The following SORCS2 variants were observed in gnomAD, a reference collection of about 807,000 sequenced individuals.
The protein encoded by SORCS2 is sortilin related VPS10 domain containing receptor 2, also known as VPS10 domain-containing receptor SorCS2.
A neutral mutation model predicts 141.6 loss-of-function variants in SORCS2; 100 were observed. The ratio of observed to expected loss-of-function variants is 0.71; its 90% CI spans 0.60 to 0.83. The LOEUF (loss-of-function observed/expected upper bound fraction) is 0.83, where lower values mean the gene tolerates loss of function less well. Ranked by LOEUF, SORCS2 falls within the 40% of genes least tolerant of loss-of-function variation. SORCS2 has a pLI of 0.00. For missense variants in SORCS2, 1,646 were observed against 1,560.2 expected, an observed-to-expected ratio of 1.05 and a Z score of -0.93; for synonymous variants, 789 against 676.9, an observed-to-expected ratio of 1.17 and a Z score of -2.57.
intron 2 of SORCS2, among the ~76,000 whole-genome samples, chr4:7,481,888 C>T (rs966492189): frequency 3.2e-4 from 48 of 151,532 alleles, no homozygotes; most frequent in African/African-American, 7.5e-4. Flanking sequence ...ATCCACCTGA[C>T]GCCGTTCAGA....
intron 10 of SORCS2, among the ~76,000 whole-genome samples, chr4:7,683,744 C>T (rs1480951788): frequency 2.0e-5 from 3 of 152,236 alleles, no homozygotes; most frequent in African/African-American, 7.2e-5. Flanking sequence ...AGAGTTCAGA[C>T]ATCCTGAGCC....
intron 2 of SORCS2, chr4:7,430,391 A>G (rs542684679): frequency 6.6e-6 from 1 of 151,884 alleles, no homozygotes; most frequent in East Asian, 1.9e-4. Flanking sequence ...AACAAACAAA[A>G]CAAAAACAAC....
intron 2 of SORCS2, among the ~76,000 whole-genome samples, chr4:7,418,560 G>A (rs1410166343): frequency 2.6e-5 from 4 of 152,190 alleles, no homozygotes; most frequent in East Asian, 1.9e-4. Flanking sequence ...TCCACTCCAC[G>A]AGGACCCTTA....
intron 1 of SORCS2, among the ~76,000 whole-genome samples, chr4:7,299,232 C>T (rs906225144): frequency 2.6e-5 from 4 of 152,234 alleles, no homozygotes; most frequent in Admixed American, 6.5e-5. Context: ...AGGTGGGGGC[C>T]GAGGCTGTGA....
At chr4:7,382,159 G>C (rs77095913) in intron 1 of SORCS2, among the ~76,000 whole-genome samples, 1 of 152,322 alleles carries the variant, frequency 6.6e-6, no homozygotes, top group Non-Finnish European at 1.5e-5. Flanking sequence ...TGTGGGGTGA[G>C]CCAGCCCTCA....
chr4:7,224,755 G>A (rs1172501584), intron 1 of SORCS2, among the ~76,000 whole-genome samples: 4 of 152,164 alleles, frequency 2.6e-5, no homozygotes, highest in Admixed American at 1.3e-4. Flanking sequence ...GCACTGGGTG[G>A]GGATCAGGGG....
intron 5 of SORCS2, among the ~76,000 whole-genome samples, chr4:7,656,546 G>A (rs1043491060): frequency 1.6e-4 from 25 of 152,168 alleles, no homozygotes; most frequent in Non-Finnish European, 2.6e-4. Context: ...GGATAGGCTC[G>A]GGCCCACATT....
intron 1 of SORCS2, chr4:7,381,902 C>G: frequency 1.0e-6 from 1 of 986,366 alleles, no homozygotes; most frequent in Non-Finnish European, 1.2e-6. Context: ...ACCAGCAGAG[C>G]AGGCAGACAG....
chr4:7,707,743 C>T (rs373374432), intron 14 of SORCS2, among the ~76,000 whole-genome samples: 1 of 152,204 alleles, frequency 6.6e-6, no homozygotes, highest in East Asian at 1.9e-4. Context: ...GCTTGATGCT[C>T]AGTGAATGTG....
At chr4:7,322,058 A>T (rs1049737171) in intron 1 of SORCS2, among the ~76,000 whole-genome samples, 4 of 152,166 alleles carry the variant, frequency 2.6e-5, no homozygotes, top group African/African-American at 7.2e-5. Flanking sequence ...CTCCTGAGCC[A>T]TGAGGCTCGT....
At chr4:7,487,090 C>T (rs1369502216) in intron 2 of SORCS2, among the ~76,000 whole-genome samples, 3 of 152,186 alleles carry the variant, frequency 2.0e-5, no homozygotes, top group Admixed American at 6.5e-5. Flanking sequence ...AGGGCCAGCC[C>T]TGCAGAGCAC....
chr4:7,518,643 G>A (rs781197271), intron 2 of SORCS2, among the ~76,000 whole-genome samples: 23 of 152,146 alleles, frequency 1.5e-4, no homozygotes, highest in Admixed American at 3.3e-4. Context: ...GCCCAGCAGC[G>A]GGAGAAAGAG....
chr4:7,241,797 C>T (rs1002542217), intron 1 of SORCS2, among the ~76,000 whole-genome samples: 1 of 152,188 alleles, frequency 6.6e-6, no homozygotes, highest in Non-Finnish European at 1.5e-5. Context: ...TGCAGAGCGA[C>T]TGAGTGAGCA....
At chr4:7,639,856 T>G (rs927986082) in intron 4 of SORCS2, among the ~76,000 whole-genome samples, 3 of 147,372 alleles carry the variant, frequency 2.0e-5, no homozygotes, top group African/African-American at 7.4e-5. Flanking sequence ...GGTGTGAGGG[T>G]GTGTGTGATT....
chr4:7,259,401 G>A (rs915389970), intron 1 of SORCS2, among the ~76,000 whole-genome samples: 5 of 152,190 alleles, frequency 3.3e-5, no homozygotes, highest in African/African-American at 4.8e-5. Flanking sequence ...ATAGAATCAC[G>A]GGGCTCACAG....
At chr4:7,256,755 G>T (rs1476589244) in intron 1 of SORCS2, among the ~76,000 whole-genome samples, 1 of 149,756 alleles carries the variant, frequency 6.7e-6, no homozygotes, top group East Asian at 2.0e-4. Flanking sequence ...GACTATGGGG[G>T]TGTCGGGAAA....
At chr4:7,245,280 C>T (rs998280097) in intron 1 of SORCS2, among the ~76,000 whole-genome samples, 3 of 152,234 alleles carry the variant, frequency 2.0e-5, no homozygotes, top group Non-Finnish European at 2.9e-5. Flanking sequence ...CCACCCCCCA[C>T]CCCGGCTTGG....
At chr4:7,420,244 G>GAGTC (rs1725953386) in intron 2 of SORCS2, among the ~76,000 whole-genome samples, 1 of 152,230 alleles carries the variant, frequency 6.6e-6, no homozygotes, top group Non-Finnish European at 1.5e-5. Context: ...GCCAGTTTTG[G>GAGTC]AGTCAGCAGA....
At chr4:7,473,309 T>G (rs970243171) in intron 2 of SORCS2, among the ~76,000 whole-genome samples, 1 of 151,728 alleles carries the variant, frequency 6.6e-6, no homozygotes, top group South Asian at 2.1e-4. Context: ...GAGAGGGAGA[T>G]GGCGTGTTCC....
Sources: gnomAD v4.1 joint callset for allele counts (sites outside exome capture counted in the v4.1 genomes callset) on GRCh38, gnomAD v4.1.1 for gene constraint, MANE v1.5 for transcripts, NCBI Gene and HGNC (gene_info 2026-07-23, HGNC 2026-07-21) for gene names.